Variants in NTM observed in about 807,000 individuals in gnomAD.
NTM encodes IgLON family member 2.
NTM carries 13 observed loss-of-function variants against 42.1 expected under a neutral mutation model. The ratio of observed to expected loss-of-function variants is 0.31; its 90% CI spans 0.20 to 0.49. NTM has a LOEUF of 0.49. Among genes scored for constraint, NTM ranks in the 20% least tolerant of loss-of-function variants. NTM has a pLI of 0.99. For missense variants in NTM, 373 were observed against 452.8 expected, an observed-to-expected ratio of 0.82 and a Z score of 1.60; for synonymous variants, 187 against 179.2, an observed-to-expected ratio of 1.04 and a Z score of -0.35.
intron 1 of NTM, among the ~76,000 whole-genome samples, chr11:131,786,167 C>T (rs571131071): frequency 9.2e-5 from 14 of 152,068 alleles, no homozygotes; most frequent in Non-Finnish European, 1.6e-4. Context: ...TAAACAACCT[C>T]GGAAAAAAAT....
chr11:131,983,933 G>A (rs894005116), intron 2 of NTM, among the ~76,000 whole-genome samples: 1 of 152,172 alleles, frequency 6.6e-6, no homozygotes, highest in South Asian at 2.1e-4. Flanking sequence ...AAGGGAGATT[G>A]TTAAATGTCA....
chr11:131,522,371 C>T (rs1318044615), intron 1 of NTM, among the ~76,000 whole-genome samples: 1 of 148,990 alleles, frequency 6.7e-6, no homozygotes, highest in Non-Finnish European at 1.5e-5. Context: ...AAAAAAAAGC[C>T]TCCTTGTTGA....
chr11:131,430,621 G>A (rs1373389191), intron 1 of NTM, among the ~76,000 whole-genome samples: 1 of 152,178 alleles, frequency 6.6e-6, no homozygotes, highest in Non-Finnish European at 1.5e-5. Context: ...TTACACAAAG[G>A]GAAGAGGCAA....
intron 1 of NTM, among the ~76,000 whole-genome samples, chr11:131,556,044 T>G (rs568059192): frequency 6.6e-6 from 1 of 152,316 alleles, no homozygotes; most frequent in East Asian, 1.9e-4. Flanking sequence ...AAATGATAGT[T>G]TCATATCTTG....
chr11:132,277,649 T>C (rs1302184928), intron 4 of NTM, among the ~76,000 whole-genome samples: 1 of 152,214 alleles, frequency 6.6e-6, no homozygotes, highest in African/African-American at 2.4e-5. Context: ...TTATATTTGA[T>C]AACGTAATAT....
At chr11:131,948,115 A>G (rs1481561531) in intron 2 of NTM, among the ~76,000 whole-genome samples, 1 of 152,076 alleles carries the variant, frequency 6.6e-6, no homozygotes, top group Non-Finnish European at 1.5e-5. Flanking sequence ...TAATCCCAGC[A>G]CTTTGGGAGG....
intron 1 of NTM, among the ~76,000 whole-genome samples, chr11:131,708,578 A>T (rs1248132414): frequency 3.9e-5 from 6 of 152,186 alleles, no homozygotes; most frequent in Non-Finnish European, 8.8e-5. Context: ...AAAAGACTTT[A>T]TTGTAGTGTT....
At chr11:131,840,532 AAACTT>A (rs1290443265) in intron 1 of NTM, among the ~76,000 whole-genome samples, 2 of 152,204 alleles carry the variant, frequency 1.3e-5, no homozygotes, top group African/African-American at 4.8e-5. Flanking sequence ...CAGCAAAAGA[AAACTT>A]AAGGAAGAAT....
chr11:132,328,057 G>T (rs2095719935), intron 7 of NTM, among the ~76,000 whole-genome samples: 1 of 152,080 alleles, frequency 6.6e-6, no homozygotes, highest in Non-Finnish European at 1.5e-5. Flanking sequence ...GACTAGCTTT[G>T]GTGGCTCAAG....
chr11:131,877,640 C>G (rs1487974089), intron 1 of NTM: 2 of 152,170 alleles, frequency 1.3e-5, no homozygotes, highest in East Asian at 3.8e-4. Context: ...TTTCTTTAAA[C>G]ACTTATGGAA....
intron 1 of NTM, among the ~76,000 whole-genome samples, chr11:131,724,970 TG>T (rs1360142787): frequency 6.6e-6 from 1 of 152,104 alleles, no homozygotes; most frequent in Non-Finnish European, 1.5e-5. Context: ...TCAGGAGCCA[TG>T]GGGTAGGTTT....
intron 1 of NTM, among the ~76,000 whole-genome samples, chr11:131,510,144 C>G (rs1300489771): frequency 6.6e-6 from 1 of 152,138 alleles, no homozygotes; most frequent in Non-Finnish European, 1.5e-5. Flanking sequence ...CGGGATGAAG[C>G]AACACAAACT....
chr11:131,972,963 C>A (rs971292862), intron 2 of NTM, among the ~76,000 whole-genome samples: 1 of 152,108 alleles, frequency 6.6e-6, no homozygotes, highest in Non-Finnish European at 1.5e-5. Flanking sequence ...AATAACCAGG[C>A]AGATAAACAA....
intron 1 of NTM, among the ~76,000 whole-genome samples, chr11:131,493,010 A>G (rs1375103): frequency 0.27 from 40,431 of 151,904 alleles, 5,666 homozygotes; most frequent in Admixed American, 0.35. Flanking sequence ...TTGAGCCCAG[A>G]AGCTCAAGAC....
In NTM at chr11:131,720,615, G is replaced by A. The variant is rs571560666; in HGVS notation, c.83-190949G>A. Among the ~76,000 whole-genome samples, 7 of 152,172 alleles carry A rather than the reference G, an allele frequency of 4.6e-5. No individual in the cohort carries two copies. The South Asian group carries it at 1.4e-3, about 32-fold the overall frequency. ...TGAGATTCAAAACCAACTTTGCCCAGCACCTAGACTTGAACTCTTTCTATG... is the reference window on the plus strand; with the variant it reads ...TGAGATTCAAAACCAACTTTGCCCAACACCTAGACTTGAACTCTTTCTATG... On this transcript the variant is annotated intron_variant, in intron 1 of 8. Coordinates refer to ENST00000683400, the MANE Select transcript of NTM (RefSeq NM_001352005.2).
chr11:131,661,762 T>G (rs970019548), intron 1 of NTM, among the ~76,000 whole-genome samples: 1 of 152,124 alleles, frequency 6.6e-6, no homozygotes, highest in Non-Finnish European at 1.5e-5. Context: ...AAAATGCTCT[T>G]TTTTTTCCCC....
rs1269174141 is a variant in NTM at position 132,003,744 on chromosome 11, G to A, written c.167+92096G>A. ...CCATGGTACAAAACCCTCCTTAATT[G>A]CCTCCTTGGAATCTACACAGAGAAA... On this transcript the variant is annotated intron_variant, in intron 2 of 8. Transcript: ENST00000683400. This position sits in a 1 kb window ranked among gnomAD's most constrained non-coding sequence, Gnocchi z 6.0. Among the ~76,000 whole-genome samples the A allele has an allele frequency of 2.0e-5, 3 of 151,020 alleles. No individual in the cohort carries two copies. The highest frequency in any genetic ancestry group is 7.3e-5 in the African/African-American group (3 of 41,028).
chr11:131,985,778 T>C (rs531322276), intron 2 of NTM, among the ~76,000 whole-genome samples: 2 of 152,134 alleles, frequency 1.3e-5, no homozygotes, highest in South Asian at 4.1e-4. Flanking sequence ...TCGAGTAGGG[T>C]GCCCAAGAAG....
At chr11:131,746,609 C>G (rs1299367088) in intron 1 of NTM, among the ~76,000 whole-genome samples, 1 of 152,182 alleles carries the variant, frequency 6.6e-6, no homozygotes, top group African/African-American at 2.4e-5. Context: ...TTTGCAGTTT[C>G]AGGTTATGCT....
Sources: allele counts gnomAD v4.1 joint callset (sites outside exome capture counted in the v4.1 genomes callset), GRCh38; gene constraint gnomAD v4.1.1; non-coding constraint Gnocchi (gnomAD v3.1); transcripts MANE v1.5; gene names NCBI Gene and HGNC (gene_info 2026-07-23, HGNC 2026-07-21).